Variants in TRPC4AP observed in about 807,000 individuals in gnomAD.
The protein encoded by TRPC4AP is short transient receptor potential channel 4-associated protein.
In TRPC4AP, 45 loss-of-function variants were observed where a neutral mutation model predicts 99.0. The ratio of observed to expected loss-of-function variants is 0.45; its 90% CI spans 0.36 to 0.58. The LOEUF is 0.58. Ranked by LOEUF, TRPC4AP falls within the 20% of genes least tolerant of loss-of-function variation. The probability of loss-of-function intolerance (pLI) is 0.00; values close to 1 mark genes in which losing one functional copy is unlikely to be tolerated. For synonymous variants in TRPC4AP, 408 were observed against 385.8 expected, an observed-to-expected ratio of 1.06 and a Z score of -0.67; for missense variants, 879 against 985.3, an observed-to-expected ratio of 0.89 and a Z score of 1.44.
At chr20:35,044,811 T>C in intron 6 of TRPC4AP, 99 bp from the exon 7 acceptor site, 1 of 1,131,288 alleles carries the variant, frequency 8.8e-7, no homozygotes, top group Non-Finnish European at 1.3e-6. Context: ...GCTTAGTGGC[T>C]AGATCACTTA....
chr20:35,092,668 C>G lies in TRPC4AP; in HGVS notation c.114G>C (p.Leu38=). The G allele has an allele frequency of 2.0e-6, 3 of 1,525,688 alleles. No individual in the cohort carries two copies. The highest frequency in any genetic ancestry group is 1.2e-5 in the South Asian group (1 of 83,340). The allele number at this position is 1,525,688 out of a possible 1,614,324, so 94.5% of individuals were successfully genotyped here. Residue 38 remains leucine, a synonymous_variant, in exon 1 of 19, where the codon CTG becomes CTC. Coordinates refer to ENST00000252015, the MANE Select transcript of TRPC4AP (RefSeq NM_015638.3). ...WGGRPRPGNI[L]LQLRQGQLTG... The stretch of plus-strand genomic sequence containing the variant: ...TCAGCTGGCCCTGCCGCAGCTGCAG[C>G]AGAATGTTACCAGGCCGCGGCCGGC...
Position 35,041,352 on chromosome 20 carries a change from G to C in TRPC4AP, c.865+3153C>G, listed in dbSNP as rs947114205. On this transcript the variant is annotated intron_variant, in intron 7 of 18. Transcript: ENST00000252015. ...GGCATTTGAATGGAGAAAATCGTGCGGGTAAGGGAATGGAGTAGGAATTAT... is the reference window on the plus strand; with the variant it reads ...GGCATTTGAATGGAGAAAATCGTGCCGGTAAGGGAATGGAGTAGGAATTAT... Among the ~76,000 whole-genome samples the C allele has an allele frequency of 2.0e-5, 3 of 152,102 alleles. No individual in the cohort carries two copies. In the East Asian group the frequency reaches 5.8e-4, roughly 29 times the overall value.
Position 35,065,589 on chromosome 20 carries a change from G to A in TRPC4AP, c.414+3707C>T, listed in dbSNP as rs6087668. Among the ~76,000 whole-genome samples the A allele has an allele frequency of 1.0e-2, 1,518 of 152,292 alleles. 9 individuals carry two copies. The highest frequency in any genetic ancestry group is 0.014 in the Non-Finnish European group (966 of 68,018). On this transcript the variant is annotated intron_variant, in intron 3 of 18. Coordinates refer to ENST00000252015, the MANE Select transcript of TRPC4AP (RefSeq NM_015638.3). ...TACTACCAGCAGCAGGACAGCAAGA[G>A]AGTTCACTAACAAATGCACCCAAAC...
At chr20:35,035,042 CTTCTTGGA>C in intron 8 of TRPC4AP, 73 bp downstream of exon 8, 1 of 1,433,796 alleles carries the variant, frequency 7.0e-7, no homozygotes, top group East Asian at 2.3e-5. Flanking sequence ...CAAATTAATC[CTTCTTGGA>C]AAGAAGAGCA....
At chr20:35,079,204 A>G (rs935968777) in intron 1 of TRPC4AP, among the ~76,000 whole-genome samples, 13 of 152,204 alleles carry the variant, frequency 8.5e-5, no homozygotes, top group Admixed American at 1.3e-4. Context: ...CAAAGGGGTT[A>G]ATTCTCCAAG....
At chr20:35,020,294 TCA>T (rs2082854896) in intron 9 of TRPC4AP, among the ~76,000 whole-genome samples, 1 of 152,116 alleles carries the variant, frequency 6.6e-6, no homozygotes, top group South Asian at 2.1e-4. Context: ...CTCACTTCAC[TCA>T]GAGTAAAAAC....
chr20:35,055,106 G>T, intron 4 of TRPC4AP, 75 bp from the exon 5 acceptor site: 2 of 1,313,296 alleles, frequency 1.5e-6, no homozygotes, highest in Non-Finnish European at 1.1e-6. Flanking sequence ...ATTTTTTTCA[G>T]CATAAGAACT....
At chr20:35,005,176 C>T (rs1240622697) in intron 16 of TRPC4AP, among the ~76,000 whole-genome samples, 3 of 152,216 alleles carry the variant, frequency 2.0e-5, no homozygotes, top group African/African-American at 4.8e-5. Flanking sequence ...TTACCAACAA[C>T]CGGGATACTT....
At chr20:35,020,309 A>G (rs572879519) in intron 9 of TRPC4AP, among the ~76,000 whole-genome samples, 44 of 152,182 alleles carry the variant, frequency 2.9e-4, no homozygotes, top group Non-Finnish European at 5.4e-4. Flanking sequence ...GTAAAAACCA[A>G]AGTCTTTAAA....
At chr20:35,026,051 T>C (rs1423122389) in intron 8 of TRPC4AP, among the ~76,000 whole-genome samples, 1 of 152,182 alleles carries the variant, frequency 6.6e-6, no homozygotes, top group African/African-American at 2.4e-5. Context: ...CACCAATGAA[T>C]GGTCTTGGTA....
intron 17 of TRPC4AP, 105 bp from the exon 18 acceptor site, chr20:35,003,721 G>C: frequency 9.5e-6 from 12 of 1,257,624 alleles, no homozygotes; most frequent in African/African-American, 1.5e-5. Flanking sequence ...CCCAGGCCTC[G>C]GGCCACCCAC....
chr20:35,013,650 T>C (rs2082687585), intron 10 of TRPC4AP, among the ~76,000 whole-genome samples: 1 of 151,848 alleles, frequency 6.6e-6, no homozygotes, highest in Non-Finnish European at 1.5e-5. Context: ...GAGTTAGAAA[T>C]GAAGAAAGGA....
intron 3 of TRPC4AP, among the ~76,000 whole-genome samples, chr20:35,061,825 C>T (rs2084016449): frequency 6.6e-6 from 1 of 152,082 alleles, no homozygotes; most frequent in Non-Finnish European, 1.5e-5. Context: ...CACACCAATA[C>T]CCAAGTAACA....
intron 8 of TRPC4AP, among the ~76,000 whole-genome samples, chr20:35,028,054 T>C (rs2083071758): frequency 6.6e-6 from 1 of 152,202 alleles, no homozygotes; most frequent in Admixed American, 6.5e-5. Context: ...TTTGAGATGT[T>C]TGTTCTTTTT....
At chr20:35,086,317 T>C (rs1032475134) in intron 1 of TRPC4AP, among the ~76,000 whole-genome samples, 1 of 151,924 alleles carries the variant, frequency 6.6e-6, no homozygotes, top group Non-Finnish European at 1.5e-5. Flanking sequence ...ATTCTGACAA[T>C]ACATGTTAAC....
At chr20:35,038,266 G>T (rs1245938707) in intron 7 of TRPC4AP, among the ~76,000 whole-genome samples, 2 of 107,392 alleles carry the variant, frequency 1.9e-5, no homozygotes, top group Non-Finnish European at 3.8e-5. Flanking sequence ...ATAGATTTTT[G>T]TTTGAGACAC....
chr20:35,085,609 T>TAAAA (rs71196788), intron 1 of TRPC4AP, among the ~76,000 whole-genome samples: 27 of 137,624 alleles, frequency 2.0e-4, no homozygotes, highest in African/African-American at 5.5e-4. Flanking sequence ...AGACCCTGTC[T>TAAAA]AAAAAAAAAA....
intron 12 of TRPC4AP, among the ~76,000 whole-genome samples, chr20:35,009,910 G>A (rs1334394029): frequency 1.3e-5 from 2 of 152,210 alleles, no homozygotes; most frequent in East Asian, 3.8e-4. Flanking sequence ...GGGGCAGTGC[G>A]GAGCACACAT....
At chr20:35,054,895 A>G in intron 5 of TRPC4AP, 81 bp downstream of exon 5, 1 of 1,246,736 alleles carries the variant, frequency 8.0e-7, no homozygotes, top group Non-Finnish European at 1.2e-6. Context: ...TATGTCTGCC[A>G]TTCTACTCGA....
Sources: gnomAD v4.1 joint callset for allele counts (sites outside exome capture counted in the v4.1 genomes callset) on GRCh38, gnomAD v4.1.1 for gene constraint, MANE v1.5 for transcripts, NCBI Gene and HGNC (gene_info 2026-07-23, HGNC 2026-07-21) for gene names.